Variants in RASAL2 observed in about 807,000 individuals in gnomAD.
RASAL2 encodes the protein RAS protein activator like 2.
Under a neutral mutation model 128.9 loss-of-function variants are expected in RASAL2, and 58 were observed. The observed-to-expected ratio is 0.45, with a 90% CI of 0.36 to 0.56. RASAL2 has a LOEUF of 0.56. Among genes scored for constraint, RASAL2 ranks in the 20% least tolerant of loss-of-function variants. RASAL2 has a pLI of 0.00. For synonymous variants in RASAL2, 561 were observed against 580.8 expected (o/e 0.97, Z 0.49); for missense variants, 1,360 against 1,601.6 (o/e 0.85, Z 2.57).
chr1:178,164,263 C>A (rs1268745907), intron 1 of RASAL2, among the ~76,000 whole-genome samples: 2 of 151,994 alleles, frequency 1.3e-5, no homozygotes, highest in African/African-American at 4.8e-5. Flanking sequence ...AGGGGCTGGT[C>A]AAAAATGCGG....
chr1:178,237,350 G>T (rs1324927212), intron 1 of RASAL2, among the ~76,000 whole-genome samples: 2 of 152,072 alleles, frequency 1.3e-5, no homozygotes, highest in Non-Finnish European at 2.9e-5. Context: ...AGCAGCAGAG[G>T]TTAGTTCCCA....
intron 1 of RASAL2, among the ~76,000 whole-genome samples, chr1:178,183,561 G>C (rs527515597): frequency 6.6e-6 from 1 of 152,174 alleles, no homozygotes; most frequent in East Asian, 1.9e-4. Context: ...GCCTTTTCTG[G>C]AATATCATAT....
At chr1:178,161,590 T>C (rs1661298031) in intron 1 of RASAL2, among the ~76,000 whole-genome samples, 1 of 152,234 alleles carries the variant, frequency 6.6e-6, no homozygotes, top group Non-Finnish European at 1.5e-5. Flanking sequence ...GTGAACACGT[T>C]TGTTGTTGAC....
At chr1:178,376,141 G>T (rs1230025999) in intron 3 of RASAL2, among the ~76,000 whole-genome samples, 2 of 152,006 alleles carry the variant, frequency 1.3e-5, no homozygotes, top group East Asian at 3.9e-4. Flanking sequence ...GGTAGAAAAG[G>T]TTAACAATGT....
intron 1 of RASAL2, among the ~76,000 whole-genome samples, chr1:178,148,088 T>TA: frequency 6.6e-6 from 1 of 151,808 alleles, no homozygotes; most frequent in South Asian, 2.1e-4. Flanking sequence ...ATAAATTAAT[T>TA]AAAAAAATAA....
At chr1:178,427,264 GGT>G in intron 5 of RASAL2, among the ~76,000 whole-genome samples, 1 of 152,218 alleles carries the variant, frequency 6.6e-6, no homozygotes, top group East Asian at 1.9e-4. Context: ...TGAAAACAGT[GGT>G]ACTGTATTGT....
At chr1:178,095,039 G>A (rs1658621893) in intron 1 of RASAL2, among the ~76,000 whole-genome samples, 2 of 152,268 alleles carry the variant, frequency 1.3e-5, no homozygotes, top group South Asian at 4.1e-4. Context: ...CCAAGTGAAT[G>A]GATTTTCGTC....
chr1:178,458,676 G>T, intron 14 of RASAL2, 132 bp downstream of exon 14: 3 of 1,311,880 alleles, frequency 2.3e-6, no homozygotes, highest in East Asian at 4.8e-5. Flanking sequence ...AATGGAAAGA[G>T]GAAAGGAAAA....
chr1:178,199,600 A>C (rs1417197592), intron 1 of RASAL2, among the ~76,000 whole-genome samples: 1 of 152,254 alleles, frequency 6.6e-6, no homozygotes, highest in Non-Finnish European at 1.5e-5. Flanking sequence ...TATATTTTAC[A>C]GTAGTAAAAA....
At chr1:178,440,009 C>CTATCCATCCAT (rs1676525194) in intron 6 of RASAL2, among the ~76,000 whole-genome samples, 1 of 151,774 alleles carries the variant, frequency 6.6e-6, no homozygotes, top group Admixed American at 6.6e-5. Context: ...ATCCATCCAT[C>CTATCCATCCAT]CTAATTCCAG....
At chr1:178,095,655 C>A (rs984250988) in intron 1 of RASAL2, among the ~76,000 whole-genome samples, 1 of 152,140 alleles carries the variant, frequency 6.6e-6, no homozygotes, top group African/African-American at 2.4e-5. Context: ...ATGTTTTTTT[C>A]TTTCATCTTT....
At chr1:178,309,471 T>C (rs1055410547) in intron 3 of RASAL2, among the ~76,000 whole-genome samples, 1 of 152,070 alleles carries the variant, frequency 6.6e-6, no homozygotes, top group Non-Finnish European at 1.5e-5. Context: ...CCTGGAAAAA[T>C]CTTCCTCAAG....
At chr1:178,222,956 A>G (rs1294733074) in intron 1 of RASAL2, among the ~76,000 whole-genome samples, 2 of 152,246 alleles carry the variant, frequency 1.3e-5, no homozygotes, top group South Asian at 2.1e-4. Flanking sequence ...ATTACTTGGT[A>G]TAGAGAAAAT....
intron 1 of RASAL2, among the ~76,000 whole-genome samples, chr1:178,096,461 A>ATT (rs948321555): frequency 1.2e-4 from 6 of 50,764 alleles, no homozygotes; most frequent in Non-Finnish European, 2.3e-4. Context: ...TATATTGTAT[A>ATT]TTTTGTGTGT....
intron 1 of RASAL2, among the ~76,000 whole-genome samples, chr1:178,232,749 C>T (rs1027905704): frequency 1.3e-5 from 2 of 152,068 alleles, no homozygotes; most frequent in African/African-American, 4.8e-5. Context: ...GAAATGCAGG[C>T]CATCAAAACT....
At chr1:178,218,880 T>C (rs537196736) in intron 1 of RASAL2, among the ~76,000 whole-genome samples, 4 of 152,244 alleles carry the variant, frequency 2.6e-5, no homozygotes, top group Non-Finnish European at 5.9e-5. Context: ...AGAGTCAGCC[T>C]ATCCTTTGAA....
intron 3 of RASAL2, among the ~76,000 whole-genome samples, chr1:178,303,596 A>G (rs567191397): frequency 6.6e-6 from 1 of 152,326 alleles, no homozygotes; most frequent in South Asian, 2.1e-4. Flanking sequence ...TGTCTTAAAC[A>G]ATACAAAAAA....
chr1:178,431,863 TAAA>T (rs1398455866), intron 5 of RASAL2, among the ~76,000 whole-genome samples: 1 of 147,422 alleles, frequency 6.8e-6, no homozygotes, highest in Non-Finnish European at 1.5e-5. Context: ...TGTATTTAAA[TAAA>T]TTATGTATAT....
intron 3 of RASAL2, among the ~76,000 whole-genome samples, chr1:178,301,107 C>A (rs539675538): frequency 6.6e-6 from 1 of 152,244 alleles, no homozygotes; most frequent in African/African-American, 2.4e-5. Flanking sequence ...TCCTTTTGGG[C>A]AGAATTTGAA....
Sources: allele counts gnomAD v4.1 joint callset (sites outside exome capture counted in the v4.1 genomes callset), GRCh38; gene constraint gnomAD v4.1.1; transcripts MANE v1.5; gene names NCBI Gene and HGNC (gene_info 2026-07-23, HGNC 2026-07-21).